PCDHGA11: variants seen among roughly 807,000 people sequenced by gnomAD.
PCDHGA11 encodes the protein protocadherin gamma-A11.
Under a neutral mutation model 60.4 loss-of-function variants are expected in PCDHGA11, and 39 were observed. The ratio of observed to expected loss-of-function variants is 0.65; its 90% CI spans 0.50 to 0.84. The LOEUF (loss-of-function observed/expected upper bound fraction) is 0.84, where lower values mean the gene tolerates loss of function less well. Ranked by LOEUF, PCDHGA11 falls within the 40% of genes least tolerant of loss-of-function variation. The pLI is 0.00. For missense variants in PCDHGA11, 1,165 were observed against 1,197.7 expected (o/e 0.97, Z 0.40); for synonymous variants, 533 against 510.3 (o/e 1.04, Z -0.60).
intron 2 of PCDHGA11, among the ~76,000 whole-genome samples, chr5:141,498,618 G>A (rs191513899): frequency 1.3e-5 from 2 of 152,220 alleles, no homozygotes; most frequent in East Asian, 3.9e-4. Context: ...TCAGCACTGG[G>A]TCACACTGCC....
chr5:141,479,838 C>T (rs539142918), intron 1 of PCDHGA11, among the ~76,000 whole-genome samples: 1 of 152,298 alleles, frequency 6.6e-6, no homozygotes, highest in African/African-American at 2.4e-5. Context: ...GGTATCCATG[C>T]AAGGTGACTG....
At chr5:141,478,428 C>G in intron 1 of PCDHGA11, 1 of 1,613,746 alleles carries the variant, frequency 6.2e-7, no homozygotes. Flanking sequence ...CGCAGCGACC[C>G]GCTGCTGAAG....
rs537087639 is a variant in PCDHGA11 at position 141,510,502 on chromosome 5, G to A, written c.2582-445G>A. 3.3e-5 allele frequency among the ~76,000 whole-genome samples: 5 copies of A among 152,296 alleles called. No homozygotes were observed. The South Asian group carries it at 6.2e-4, about 19-fold the overall frequency. ...CTTGAGAAAGCCAGGGCAAGGAACTGAGAGCCCGTGTCACAGCCCTGAGAG... is the reference window on the plus strand; with the variant it reads ...CTTGAGAAAGCCAGGGCAAGGAACTAAGAGCCCGTGTCACAGCCCTGAGAG... On this transcript the variant is annotated intron_variant, in intron 3 of 3. Coordinates refer to ENST00000398587, the MANE Select transcript of PCDHGA11 (RefSeq NM_018914.3).
chr5:141,474,516 T>G (rs999585038), intron 1 of PCDHGA11, among the ~76,000 whole-genome samples: 1 of 152,240 alleles, frequency 6.6e-6, no homozygotes, highest in Non-Finnish European at 1.5e-5. Context: ...GCCCTCTTGC[T>G]GGTCTGGCTA....
intron 1 of PCDHGA11, among the ~76,000 whole-genome samples, chr5:141,447,779 A>T (rs770299374): frequency 2.0e-5 from 3 of 152,210 alleles, no homozygotes; most frequent in Non-Finnish European, 4.4e-5. Flanking sequence ...ACTTTAATTG[A>T]AAATAAATTT....
chr5:141,424,319 G>A (rs1014361496), intron 1 of PCDHGA11: 1 of 152,006 alleles, frequency 6.6e-6, no homozygotes, highest in African/African-American at 2.4e-5. Context: ...ATATTGACTG[G>A]CTTTTAACTA....
At chr5:141,458,921 C>T (rs1471065767) in intron 1 of PCDHGA11, among the ~76,000 whole-genome samples, 1 of 151,960 alleles carries the variant, frequency 6.6e-6, no homozygotes, top group East Asian at 1.9e-4. Flanking sequence ...TTTGTGGAGA[C>T]GGGGTCTCAC....
chr5:141,510,847 A>C (rs1279701390), intron 3 of PCDHGA11, 100 bp from the exon 4 acceptor site: 1 of 1,595,232 alleles, frequency 6.3e-7, no homozygotes, highest in Non-Finnish European at 8.6e-7. Context: ...GTCAAGGCCC[A>C]GGGTGCTGTA....
At position 141,491,518 on chromosome 5, in the gene PCDHGA11, A is replaced by G. The variant is rs756813813; in HGVS notation, c.2434-3289A>G. 3 of 1,613,990 alleles carry G rather than the reference A, an allele frequency of 1.9e-6. No individual in the cohort carries two copies. The highest frequency in any genetic ancestry group is 3.3e-5 in the Admixed American group (2 of 60,028). ...GAGCTCGGACGGCACGCTCAAGTAC[A>G]TGGAGGTGACGCTGCGGCCCACAGA... On this transcript the variant is annotated intron_variant, in intron 1 of 3. Transcript: ENST00000398587. This position sits in a 1 kb window ranked among gnomAD's most constrained non-coding sequence, Gnocchi z 6.9.
In PCDHGA11 at chr5:141,429,386, T is replaced by A. The variant is rs534045300; in HGVS notation, c.2433+5726T>A. Among the ~76,000 whole-genome samples the A allele has an allele frequency of 4.0e-3, 602 of 151,936 alleles. 6 individuals carry two copies. The highest frequency in any genetic ancestry group is 0.011 in the Admixed American group (171 of 15,268). On this transcript the variant is annotated intron_variant, in intron 1 of 3. Coordinates refer to ENST00000398587, the MANE Select transcript of PCDHGA11 (RefSeq NM_018914.3). ...AAAATGGAGAAAATGTGTTTTTTTTTTAAAAAAAATTGAGATTAAGGTCTC... is the reference window on the plus strand; with the variant it reads ...AAAATGGAGAAAATGTGTTTTTTTTATAAAAAAAATTGAGATTAAGGTCTC...
chr5:141,487,123 T>C lies in PCDHGA11; in HGVS notation c.2434-7684T>C. 6.2e-7 allele frequency: 1 copy of C among 1,614,086 alleles called. No homozygotes were observed. The highest frequency in any genetic ancestry group is 1.1e-5 in the South Asian group (1 of 91,082). On this transcript the variant is annotated intron_variant, in intron 1 of 3. Coordinates refer to ENST00000398587, the MANE Select transcript of PCDHGA11 (RefSeq NM_018914.3). The surrounding 1 kb of genome is among the most constrained non-coding windows in gnomAD (Gnocchi z 5.0). ...AGCTGGTCATTGTGGTAAAGGATAG[T>C]GGTAGTCCACCACTCTCTACCTCTG...
rs866635411 is a variant in PCDHGA11, at chr5:141,421,211, T to A, written c.-17T>A. 5.2e-6 allele frequency: 8 copies of A among 1,541,100 alleles called. No homozygotes were observed. ...AACCAGCTCGAGAAACCGCGGAATA[T>A]CGGCTTAGAGCCTGCCATGGCGAAT... On this transcript the variant is annotated 5_prime_UTR_variant, in exon 1 of 4. Transcript: ENST00000398587.
Position 141,493,554 on chromosome 5 carries a change from G to A in PCDHGA11, c.2434-1253G>A, listed in dbSNP as rs2099748882. The stretch of plus-strand genomic sequence containing the variant: ...GGCCAGTTATCCTTTTGGAGATTGA[G>A]TTCCCCCAGCTCCGTTTCCTCCTAT... On this transcript the variant is annotated intron_variant, in intron 1 of 3. Coordinates refer to ENST00000398587, the MANE Select transcript of PCDHGA11 (RefSeq NM_018914.3). The surrounding 1 kb of genome is among the most constrained non-coding windows in gnomAD (Gnocchi z 4.3). 6.6e-6 allele frequency among the ~76,000 whole-genome samples: 1 copy of A among 152,166 alleles called. No homozygotes were observed. Among genetic ancestry groups the A allele is most frequent in the Admixed American group, 6.5e-5 (1 of 15,282 alleles).
At position 141,432,001 on chromosome 5, in the gene PCDHGA11, G is replaced by T. The variant is rs755338230; in HGVS notation, c.2433+8341G>T. On this transcript the variant is annotated intron_variant, in intron 1 of 3. Coordinates refer to ENST00000398587, the MANE Select transcript of PCDHGA11 (RefSeq NM_018914.3). This position sits in a 1 kb window ranked among gnomAD's most constrained non-coding sequence, Gnocchi z 6.0. Reference sequence around the variant, plus strand: ...CAGACATAGTCTTGGATAGGGAACAGGTTCCTAGCTACAACATCACAGTGA... The same window carrying T: ...CAGACATAGTCTTGGATAGGGAACATGTTCCTAGCTACAACATCACAGTGA... 4 of 1,614,220 alleles carry T rather than the reference G, an allele frequency of 2.5e-6. No homozygotes were observed. In the East Asian group the frequency reaches 8.9e-5, roughly 36 times the overall value.
chr5:141,441,018 TG>T (rs1482478700), intron 1 of PCDHGA11: 1 of 152,164 alleles, frequency 6.6e-6, no homozygotes, highest in Non-Finnish European at 1.5e-5. Context: ...GATCAAATAG[TG>T]GAGAAATGAA....
chr5:141,506,266 T>A (rs1397052417), intron 3 of PCDHGA11, among the ~76,000 whole-genome samples: 1 of 151,862 alleles, frequency 6.6e-6, no homozygotes, highest in Non-Finnish European at 1.5e-5. Context: ...CTGGCCAACA[T>A]AGTGAAACCC....
Position 141,435,556 on chromosome 5 carries a change from G to C in PCDHGA11, c.2433+11896G>C, listed in dbSNP as rs568743865. ...AGAATTAACAAAATGTGTTTTGAGT[G>C]CTTTTTTTAGTACTGGGGCAAATTT... is the stretch of plus-strand genomic sequence containing the variant. On this transcript the variant is annotated intron_variant, in intron 1 of 3. Transcript: ENST00000398587. Among the ~76,000 whole-genome samples, 7 of 152,242 alleles carry C rather than the reference G, an allele frequency of 4.6e-5. 1 individual carries two copies. Among genetic ancestry groups the C allele is most frequent in the African/African-American group, 1.4e-4 (6 of 41,544 alleles).
Position 141,485,943 on chromosome 5 carries a change from C to T in PCDHGA11, c.2434-8864C>T, listed in dbSNP as rs750871245. On this transcript the variant is annotated intron_variant, in intron 1 of 3. Transcript: ENST00000398587. This position sits in a 1 kb window ranked among gnomAD's most constrained non-coding sequence, Gnocchi z 5.7. Reference sequence around the variant, plus strand: ...ATTAGTGTGTTGGAGAGCGCACCAGCGGGCATGGTGCTCATCCAGCTCAAT... The same window carrying T: ...ATTAGTGTGTTGGAGAGCGCACCAGTGGGCATGGTGCTCATCCAGCTCAAT... The T allele has an allele frequency of 1.9e-6, 3 of 1,614,126 alleles. No homozygotes were observed. In the South Asian group the frequency reaches 3.3e-5, roughly 18 times the overall value.
At chr5:141,449,137 A>C (rs1257120647) in intron 1 of PCDHGA11, among the ~76,000 whole-genome samples, 1 of 152,176 alleles carries the variant, frequency 6.6e-6, no homozygotes, top group Non-Finnish European at 1.5e-5. Context: ...AATGGAATTG[A>C]AATTGCTGGG....
Sources: allele counts gnomAD v4.1 joint callset (sites outside exome capture counted in the v4.1 genomes callset), GRCh38; gene constraint gnomAD v4.1.1; non-coding constraint Gnocchi (gnomAD v3.1); transcripts MANE v1.5; gene names NCBI Gene and HGNC (gene_info 2026-07-23, HGNC 2026-07-21).